MIB1: variants seen among roughly 807,000 people sequenced by gnomAD.
MIB1 encodes MIB E3 ubiquitin protein ligase 1.
Under a neutral mutation model 124.5 loss-of-function variants are expected in MIB1, and 278 were observed. The ratio of observed to expected loss-of-function variants is 2.23; its 90% CI spans 2.02 to 2.47. MIB1 has a LOEUF of 2.47. Among genes scored for constraint, MIB1 ranks in the 30% most tolerant of loss-of-function variants. The pLI is 0.00. For synonymous variants in MIB1, 446 were observed against 429.4 expected, an observed-to-expected ratio of 1.04 and a Z score of -0.48; for missense variants, 957 against 1,254.4, an observed-to-expected ratio of 0.76 and a Z score of 3.58.
rs375276068 is a variant in MIB1 at position 21,774,555 on chromosome 18, C to T, written c.636+827C>T. ...AGCTTTCAATGAGCCGAGATCACGC[C>T]ATTGTACTCCAGCCTAGGTAATGGA... On this transcript the variant is annotated intron_variant, in intron 4 of 20. Transcript: ENST00000261537. Among the ~76,000 whole-genome samples the T allele has an allele frequency of 2.0e-5, 3 of 152,324 alleles. No homozygotes were observed. The East Asian group carries it at 5.8e-4, about 29-fold the overall frequency.
chr18:21,854,303 A>G (rs1323306454), intron 18 of MIB1, among the ~76,000 whole-genome samples: 1 of 152,232 alleles, frequency 6.6e-6, no homozygotes, highest in East Asian at 1.9e-4. Context: ...TTTCTGTAGT[A>G]ACCACTCAGC....
chr18:21,803,320 T>A (rs2041669749), intron 9 of MIB1, among the ~76,000 whole-genome samples: 1 of 152,184 alleles, frequency 6.6e-6, no homozygotes. Flanking sequence ...GAATTGCACT[T>A]GGCCTTGGGT....
intron 1 of MIB1, among the ~76,000 whole-genome samples, chr18:21,726,096 G>A (rs2040740856): frequency 6.6e-6 from 1 of 152,144 alleles, no homozygotes; most frequent in Admixed American, 6.6e-5. Context: ...GAATGGAAAA[G>A]AGGCTGGGAA....
intron 10 of MIB1, among the ~76,000 whole-genome samples, chr18:21,805,556 G>A (rs939268573): frequency 6.6e-6 from 1 of 151,846 alleles, no homozygotes; most frequent in Non-Finnish European, 1.5e-5. Context: ...TATTATTTTA[G>A]TTTTATTTGG....
At chr18:21,759,493 G>T (rs952961508) in intron 1 of MIB1, among the ~76,000 whole-genome samples, 1 of 151,862 alleles carries the variant, frequency 6.6e-6, no homozygotes, top group Non-Finnish European at 1.5e-5. Flanking sequence ...CGCCTGCCTC[G>T]GCCTCCTAAA....
Position 21,864,818 on chromosome 18 carries a change from A to T in MIB1, c.*152A>T, listed in dbSNP as rs1322948782. The T allele has an allele frequency of 2.1e-6, 1 of 486,916 alleles. No individual in the cohort carries two copies. The highest frequency in any genetic ancestry group is 2.0e-5 in the African/African-American group (1 of 51,012). 30.2% of individuals were successfully genotyped at this position (486,916 alleles called of 1,614,324 possible). A position where few individuals can be genotyped will look rare whatever the true frequency, so the allele number is the denominator to read the frequency against. On this transcript the variant is annotated 3_prime_UTR_variant, in exon 21 of 21. Transcript: ENST00000261537. ...GGGCTGTAAATGTACCAGAACAAAA[A>T]ACCCTACAAAATGGTGTTGGAAATT...
intron 6 of MIB1, among the ~76,000 whole-genome samples, chr18:21,788,636 G>T (rs2041465688): frequency 6.6e-6 from 1 of 152,074 alleles, no homozygotes; most frequent in South Asian, 2.1e-4. Flanking sequence ...GTAAGAAAAA[G>T]AAATAAAAGG....
chr18:21,825,192 A>G (rs2041913653), intron 12 of MIB1, among the ~76,000 whole-genome samples: 1 of 152,162 alleles, frequency 6.6e-6, no homozygotes, highest in African/African-American at 2.4e-5. Context: ...ACCTGCTAAC[A>G]TTCAGGTAAA....
At position 21,727,622 on chromosome 18, in the gene MIB1, G is replaced by T. The variant is rs75729012; in HGVS notation, n.167+22499G>T. On this transcript the variant is annotated intron_variant and non_coding_transcript_variant, in intron 1 of 20. Transcript: ENST00000578646. ...AACAAAAACAATGAAAAATTAGCCA[G>T]GCATGGTGACACATGCCTGTAGTCT... Among the ~76,000 whole-genome samples the T allele has an allele frequency of 6.5e-3, 995 of 152,272 alleles. 11 individuals are homozygous for T. The highest frequency in any genetic ancestry group is 0.023 in the African/African-American group (954 of 41,548).
At position 21,755,478 on chromosome 18, in the gene MIB1, C is replaced by T. The variant is rs550264555; in HGVS notation, c.230-10294C>T. Among the ~76,000 whole-genome samples the T allele has an allele frequency of 3.0e-4, 46 of 152,138 alleles. 1 individual carries two copies. The East Asian group carries it at 4.3e-3, about 14-fold the overall frequency. ...TCCTGAGTAGCTAGGATTACAGGCGCGTACCACCACGCCCAGCTAATTTTT... is the reference window on the plus strand; with the variant it reads ...TCCTGAGTAGCTAGGATTACAGGCGTGTACCACCACGCCCAGCTAATTTTT... On this transcript the variant is annotated intron_variant, in intron 1 of 20. Transcript: ENST00000261537.
At chr18:21,727,053 TCCACGGCC>T (rs1309272061) in intron 1 of MIB1, among the ~76,000 whole-genome samples, 1 of 152,144 alleles carries the variant, frequency 6.6e-6, no homozygotes, top group Non-Finnish European at 1.5e-5. Context: ...TTTATTATTC[TCCACGGCC>T]CCATGCTAAG....
chr18:21,795,438 A>G (rs937525253), intron 7 of MIB1, among the ~76,000 whole-genome samples: 1 of 147,836 alleles, frequency 6.8e-6, no homozygotes, highest in East Asian at 1.9e-4. Context: ...TTAGGACAAT[A>G]CAAACTATAT....
chr18:21,754,062 C>T (rs375876680), intron 1 of MIB1, among the ~76,000 whole-genome samples: 1 of 152,220 alleles, frequency 6.6e-6, no homozygotes, highest in East Asian at 1.9e-4. Context: ...TGGACTGGTT[C>T]TGCACACTGT....
At chr18:21,814,087 T>C (rs60919000) in intron 10 of MIB1, among the ~76,000 whole-genome samples, 39,513 of 152,066 alleles carry the variant, frequency 0.26, 5,451 homozygotes, top group South Asian at 0.39. Context: ...TACCTTCTTT[T>C]AGTTTTAAAA....
At position 21,861,803 on chromosome 18, in the gene MIB1, A is replaced by C. The variant is rs191906886; in HGVS notation, c.2881-2723A>C. On this transcript the variant is annotated intron_variant, in intron 20 of 20. Transcript: ENST00000261537. ...ATCTCAAAGTAAACACAGGCTGCAC[A>C]GATGTGTCTACTTTTGGAAATAAGA... Among the ~76,000 whole-genome samples the C allele has an allele frequency of 9.8e-4, 150 of 152,366 alleles. 2 individuals carry two copies. Among genetic ancestry groups the C allele is most frequent in the Admixed American group, 1.6e-3 (25 of 15,304 alleles).
At chr18:21,756,074 G>T (rs552619990) in intron 1 of MIB1, among the ~76,000 whole-genome samples, 2 of 152,164 alleles carry the variant, frequency 1.3e-5, no homozygotes, top group South Asian at 4.1e-4. Flanking sequence ...CTTTGCAGGG[G>T]ATAGTAGAAA....
intron 6 of MIB1, among the ~76,000 whole-genome samples, chr18:21,790,663 CAG>C (rs1234190490): frequency 6.6e-6 from 1 of 152,096 alleles, no homozygotes; most frequent in Non-Finnish European, 1.5e-5. Flanking sequence ...TGTAAGGACA[CAG>C]AGTAGAATAT....
rs2042340644 is a variant in MIB1 at position 21,869,327 on chromosome 18, T to G, written c.*4661T>G. ...GTGCCATTTTGTCTGCAATCTATAA[T>G]TTCAGGAAGTTATTGAAAGTTCTGA... is the stretch of plus-strand genomic sequence containing the variant. On this transcript the variant is annotated 3_prime_UTR_variant, in exon 21 of 21. Coordinates refer to ENST00000261537, the MANE Select transcript of MIB1 (RefSeq NM_020774.4). 1 of 152,494 alleles carries G rather than the reference T, an allele frequency of 6.6e-6. No homozygotes were observed. The highest frequency in any genetic ancestry group is 1.5e-5 in the Non-Finnish European group (1 of 67,906). 9.4% of individuals were successfully genotyped at this position (152,494 alleles called of 1,614,324 possible). A position where few individuals can be genotyped will look rare whatever the true frequency, so the allele number is the denominator to read the frequency against.
chr18:21,750,205 C>T (rs980422527), intron 1 of MIB1, among the ~76,000 whole-genome samples: 6 of 152,204 alleles, frequency 3.9e-5, no homozygotes, highest in African/African-American at 1.4e-4. Context: ...TCTCAGCTCA[C>T]TGCAACCTCT....
Sources: allele counts gnomAD v4.1 joint callset (sites outside exome capture counted in the v4.1 genomes callset), GRCh38; gene constraint gnomAD v4.1.1; transcripts MANE v1.5; gene names NCBI Gene and HGNC (gene_info 2026-07-23, HGNC 2026-07-21).